FAM151A: variants seen among roughly 807,000 people sequenced by gnomAD.
FAM151A encodes the protein family with sequence similarity 151 member A, also known as protein FAM151A.
In FAM151A, 41 loss-of-function variants were observed where a neutral mutation model predicts 40.4. That is an observed-to-expected ratio of 1.01 (90% CI 0.79 to 1.32). The LOEUF is 1.32. Ranked by LOEUF, FAM151A falls within the 40% of genes most tolerant of loss-of-function variation. The pLI is 0.00. For synonymous variants in FAM151A, 337 were observed against 312.5 expected (o/e 1.08, Z -0.83); for missense variants, 740 against 740.4 (o/e 1.00, Z 0.01).
In FAM151A at chr1:54,609,736, G is replaced by A. The variant is rs529443225; in HGVS notation, c.1290C>T (p.Arg430=). The A allele has an allele frequency of 1.0e-4, 168 of 1,614,182 alleles. 2 individuals carry two copies. In the South Asian group the frequency reaches 1.3e-3, roughly 12 times the overall value. ...AATGCAAGAGGCCAAGGCTGGAGAG[G>A]CGTGCCAGCAAGGCCAGGGATGGCC... is the stretch of plus-strand genomic sequence containing the variant. ...ALRPSLALLA[R]LSSLGLLHWP... The change falls in exon 8 of 8, where the codon CGC becomes CGT. Residue 430 remains arginine (R), a synonymous_variant. Coordinates refer to ENST00000302250, the MANE Select transcript of FAM151A (RefSeq NM_176782.3).
intron 6 of FAM151A, chr1:54,611,055 C>T (rs1413455663): frequency 2.1e-6 from 2 of 972,974 alleles, no homozygotes; most frequent in African/African-American, 3.5e-5. Context: ...TGCTGGGCCA[C>T]ATAAAAGCTG....
intron 2 of FAM151A, 76 bp from the exon 3 acceptor site, chr1:54,616,248 C>T (rs1417031577): frequency 1.2e-5 from 15 of 1,283,824 alleles, no homozygotes; most frequent in African/African-American, 1.5e-5. Context: ...AAAAGCATTA[C>T]AAATTACAGA....
At chr1:54,615,521 G>A (rs192411950) in intron 3 of FAM151A, among the ~76,000 whole-genome samples, 1 of 152,272 alleles carries the variant, frequency 6.6e-6, no homozygotes, top group Non-Finnish European at 1.5e-5. Context: ...GGAAGCCAGT[G>A]AGGAGGGAGG....
At position 54,611,645 on chromosome 1, in the gene FAM151A, T is replaced by C. The variant is rs1644119673; in HGVS notation, c.901A>G (p.Ile301Val). The change falls in exon 6 of 8, where the codon ATC (isoleucine) becomes GTC (valine). Residue 301 changes from isoleucine (I) to valine (V), a missense_variant. Physicochemically the swap from Ile to Val is conservative, Grantham distance 29. Coordinates refer to ENST00000302250, the MANE Select transcript of FAM151A (RefSeq NM_176782.3). ...NTAVHQVYYD[I>V]FEPLLSQFKQ... ...AACTGTGACAGGAGAGGCTCAAAGA[T>C]GTCATAGTAGACTTGGTGGACAGCA... is the stretch of plus-strand genomic sequence containing the variant. The C allele has an allele frequency of 5.0e-6, 8 of 1,614,060 alleles. No homozygotes were observed. The highest frequency in any genetic ancestry group is 6.8e-6 in the Non-Finnish European group (8 of 1,179,994).
At chr1:54,619,690 C>T (rs1205198996) in intron 2 of FAM151A, among the ~76,000 whole-genome samples, 174 bp downstream of exon 2, 1 of 152,176 alleles carries the variant, frequency 6.6e-6, no homozygotes, top group African/African-American at 2.4e-5. Context: ...AGTTTGTCAG[C>T]TGCACAACCT....
Position 54,609,609 on chromosome 1 carries a change from G to T in FAM151A, c.1417C>A (p.His473Asn). The T allele has an allele frequency of 6.2e-7, 1 of 1,613,442 alleles. No individual in the cohort carries two copies. Among genetic ancestry groups the T allele is most frequent in the Non-Finnish European group, 8.5e-7 (1 of 1,180,026 alleles). ...GGCCAGCCTGGTGCCACAGTCACGT[G>T]GGGGAAGACCTCAGCCACAGCTGTA... is the stretch of plus-strand genomic sequence containing the variant. ...LLTAVAEVFP[H>N]VTVAPGWPEE... The change falls in exon 8 of 8, where the codon CAC (histidine) becomes AAC (asparagine). Residue 473 changes from histidine to asparagine, a missense_variant. Transcript: ENST00000302250.
Position 54,609,920 on chromosome 1 carries a change from A to G in FAM151A, c.1106T>C (p.Leu369Pro), listed in dbSNP as rs199644373. 1 of 1,607,592 alleles carries G rather than the reference A, an allele frequency of 6.2e-7. No individual in the cohort carries two copies. The highest frequency in any genetic ancestry group is 1.1e-5 in the South Asian group (1 of 91,062). Residue 369 changes from leucine (L) to proline (P), a missense_variant, in exon 8 of 8, where the codon CTG becomes CCG. Physicochemically the swap from Leu to Pro is moderately conservative, Grantham distance 98. Coordinates refer to ENST00000302250, the MANE Select transcript of FAM151A (RefSeq NM_176782.3). ...CACAGTTCCCTCGAGGCCAGTGTTC[A>G]GCAGGATCATGCCTTCTGTGTCTGG... ...TLPDTEGMIL[L>P]NTGLEGTVAE...
rs1044455696 is a variant in FAM151A, at chr1:54,609,198, CTTTA to C, written c.*66_*69del. 20 of 1,595,114 alleles carry C rather than the reference CTTTA, an allele frequency of 1.3e-5. No individual in the cohort carries two copies. Among genetic ancestry groups the C allele is most frequent in the Middle Eastern group, 1.7e-4 (1 of 5,952 alleles). ...ACAGTGCCTGGAGAAAGCCAAAGAC[CTTTA>C]TTTCTTCCTGCCTCCCCGTGGGAAG... On this transcript the variant is annotated 3_prime_UTR_variant, in exon 8 of 8. Transcript: ENST00000302250.
chr1:54,623,482 A>C lies in FAM151A; in HGVS notation c.-87T>G. On this transcript the variant is annotated 5_prime_UTR_variant, in exon 1 of 8. Transcript: ENST00000302250. ...CAGCTGGAATCCTGTGGGAGGCAGGAGCTCCCAGCAGCACCTAATTCTCCA... is the reference window on the plus strand; with the variant it reads ...CAGCTGGAATCCTGTGGGAGGCAGGCGCTCCCAGCAGCACCTAATTCTCCA... 1 of 919,958 alleles carries C rather than the reference A, an allele frequency of 1.1e-6. No individual in the cohort carries two copies. The highest frequency in any genetic ancestry group is 2.4e-5 in the East Asian group (1 of 41,674). The allele number at this position is 919,958 out of a possible 1,614,324, so 57.0% of individuals were successfully genotyped here.
At position 54,609,515 on chromosome 1, in the gene FAM151A, A is replaced by G. The variant is rs753347392; in HGVS notation, c.1511T>C (p.Leu504Pro). Residue 504 changes from leucine to proline, a missense_variant, in exon 8 of 8, where the codon CTC becomes CCC. Physicochemically the swap from Leu to Pro is moderately conservative, Grantham distance 98 (BLOSUM62 -3). Transcript: ENST00000302250. ...CATCTGGAAGGACACAGGTTGCCAG[A>G]GCCCCTGGCACAACTCTAGCATATC... ...LTDMLELCQG[L>P]WQPVSFQMQA... 6 of 1,613,094 alleles carry G rather than the reference A, an allele frequency of 3.7e-6. No homozygotes were observed. In the South Asian group the frequency reaches 6.6e-5, roughly 18 times the overall value.
At chr1:54,618,050 C>T (rs1644193390) in intron 2 of FAM151A, among the ~76,000 whole-genome samples, 1 of 151,686 alleles carries the variant, frequency 6.6e-6, no homozygotes, top group African/African-American at 2.4e-5. Flanking sequence ...TTTTAACACA[C>T]TCCCCAGGGA....
rs1644249737 is a variant in FAM151A, at chr1:54,623,334, C to T, written c.62G>A (p.Cys21Tyr). ...QVKWVFAGIT[C>Y]VSVVVIAAIV... is the part of the protein sequence containing the mutation. ...TGCGGCAATGACCACCACAGACACA[C>T]AGGTAATGCCGGCAAACACCCACTT... is the stretch of plus-strand genomic sequence containing the variant. Residue 21 changes from cysteine to tyrosine, a missense_variant, in exon 1 of 8, where the codon TGT becomes TAT. Transcript: ENST00000302250. 1 of 1,614,010 alleles carries T rather than the reference C, an allele frequency of 6.2e-7. No homozygotes were observed. The highest frequency in any genetic ancestry group is 8.5e-7 in the Non-Finnish European group (1 of 1,180,028).
intron 6 of FAM151A, chr1:54,611,012 A>G: frequency 1.0e-6 from 1 of 985,440 alleles, no homozygotes; most frequent in Admixed American, 6.1e-5. Flanking sequence ...CAAGGGAAAT[A>G]ATGGGGGGTT....
chr1:54,617,114 G>A (rs767186648), intron 2 of FAM151A, among the ~76,000 whole-genome samples: 13 of 152,340 alleles, frequency 8.5e-5, no homozygotes, highest in Non-Finnish European at 1.9e-4. Context: ...CTGACACTGA[G>A]TTATCTTTTA....
In FAM151A at chr1:54,612,420, C is replaced by CT. The variant is rs966107943; in HGVS notation, c.800+65dup. 4 of 1,194,580 alleles carry CT rather than the reference C, an allele frequency of 3.3e-6. No homozygotes were observed. In the African/African-American group the frequency reaches 4.5e-5, roughly 13 times the overall value. The allele number at this position is 1,194,580 out of a possible 1,614,324, so 74.0% of individuals were successfully genotyped here. On this transcript the variant is annotated intron_variant, in intron 5 of 7. Transcript: ENST00000302250. ...CCTTTAAGACCCTTCCAGCCATGAG[C>CT]TTCTGGGATCTTGCTGGGGGCATCA...
At position 54,619,990 on chromosome 1, in the gene FAM151A, A is replaced by G. The variant is rs768427852; in HGVS notation, c.136T>C (p.Cys46Arg). Residue 46 changes from cysteine to arginine, a missense_variant, in exon 2 of 8, where the codon TGC becomes CGC. Cys to Arg is a radical substitution (Grantham distance 180). Transcript: ENST00000302250. ...TCCAGCATGTCGGCATCAGGGCTGC[A>G]GGCCTCCAGCTCACAGCCTGGAAGG... ...LRRPGCELEACSPDADMLDYL... is the reference protein window; with the variant it reads ...LRRPGCELEARSPDADMLDYL... The G allele has an allele frequency of 6.2e-7, 1 of 1,613,554 alleles. No individual in the cohort carries two copies. Among genetic ancestry groups the G allele is most frequent in the Non-Finnish European group, 8.5e-7 (1 of 1,179,672 alleles).
At chr1:54,621,300 T>C (rs1290829795) in intron 1 of FAM151A, among the ~76,000 whole-genome samples, 2 of 151,474 alleles carry the variant, frequency 1.3e-5, no homozygotes, top group Non-Finnish European at 2.9e-5. Flanking sequence ...CTACTAAAAA[T>C]AGAAAAATTA....
At chr1:54,612,027 G>A (rs6660376) in intron 5 of FAM151A, among the ~76,000 whole-genome samples, 41,620 of 150,248 alleles carry the variant, frequency 0.28, 6,430 homozygotes, top group East Asian at 0.34. Context: ...AAAGGGGCAG[G>A]ACAGATGGGG....
chr1:54,615,093 C>T (rs776144968), intron 3 of FAM151A, among the ~76,000 whole-genome samples: 4 of 152,020 alleles, frequency 2.6e-5, no homozygotes, highest in East Asian at 1.9e-4. Context: ...CCATCTCCTG[C>T]GGGGAGGAAA....
Sources: gnomAD v4.1 joint callset for allele counts (sites outside exome capture counted in the v4.1 genomes callset) on GRCh38, gnomAD v4.1.1 for gene constraint, MANE v1.5 for transcripts, NCBI Gene and HGNC (gene_info 2026-07-23, HGNC 2026-07-21) for gene names.